Variants in ANO3 observed in about 807,000 individuals in gnomAD.
The protein encoded by ANO3 is anoctamin 3.
In ANO3, 99 loss-of-function variants were observed where a neutral mutation model predicts 144.8. The observed-to-expected ratio is 0.68, with a 90% CI of 0.58 to 0.81. The LOEUF (loss-of-function observed/expected upper bound fraction) is 0.81, where lower values mean the gene tolerates loss of function less well. Ranked by LOEUF, ANO3 falls within the 30% of genes least tolerant of loss-of-function variation. The pLI, the probability that ANO3 is intolerant of heterozygous loss-of-function variation, is 0.00. For missense variants in ANO3, 905 were observed against 1,202.2 expected (o/e 0.75, Z 3.66); for synonymous variants, 414 against 392.6 (o/e 1.05, Z -0.64).
At chr11:26,241,732 A>G (rs550796606) in intron 1 of ANO3, among the ~76,000 whole-genome samples, 1 of 152,250 alleles carries the variant, frequency 6.6e-6, no homozygotes, top group Admixed American at 6.5e-5. Flanking sequence ...CTGTAATTAT[A>G]TCATGTAGTG....
At chr11:26,474,291 G>A (rs1859882214) in intron 4 of ANO3, among the ~76,000 whole-genome samples, 1 of 151,726 alleles carries the variant, frequency 6.6e-6, no homozygotes, top group South Asian at 2.1e-4. Flanking sequence ...AGTAAAGTAT[G>A]ATCTAAATGT....
intron 1 of ANO3, among the ~76,000 whole-genome samples, chr11:26,214,800 G>T (rs1852004169): frequency 6.6e-6 from 1 of 151,468 alleles, no homozygotes; most frequent in South Asian, 2.1e-4. Context: ...TAGTTATTTT[G>T]CTGTTTCAGG....
At chr11:26,399,862 T>C (rs72884560) in intron 1 of ANO3, among the ~76,000 whole-genome samples, 296 of 152,166 alleles carry the variant, frequency 1.9e-3, no homozygotes, top group Non-Finnish European at 3.6e-3. Context: ...TGCTTCACGG[T>C]ATAGACTGCC....
chr11:26,477,212 T>G (rs2134081314), intron 4 of ANO3, among the ~76,000 whole-genome samples: 1 of 152,224 alleles, frequency 6.6e-6, no homozygotes, highest in Admixed American at 6.5e-5. Flanking sequence ...GTTTGCAGTT[T>G]ACTGAGGACA....
At chr11:26,596,056 G>A (rs918819674) in intron 14 of ANO3, among the ~76,000 whole-genome samples, 1 of 152,198 alleles carries the variant, frequency 6.6e-6, no homozygotes, top group African/African-American at 2.4e-5. Context: ...TGACAACAAG[G>A]TAATATTGGA....
At chr11:26,405,520 C>T (rs745625597) in intron 1 of ANO3, among the ~76,000 whole-genome samples, 6 of 151,816 alleles carry the variant, frequency 4.0e-5, no homozygotes, top group Admixed American at 4.0e-4. Flanking sequence ...AATAGCCAAT[C>T]TGCCATTATT....
chr11:26,209,839 TGC>T (rs71447454), intron 1 of ANO3, among the ~76,000 whole-genome samples: 2 of 151,702 alleles, frequency 1.3e-5, no homozygotes, highest in South Asian at 2.1e-4. Flanking sequence ...TGGGGCTGTT[TGC>T]TTTTTCTTGT....
At chr11:26,313,919 G>T (rs905278084) in intron 1 of ANO3, among the ~76,000 whole-genome samples, 12 of 145,458 alleles carry the variant, frequency 8.2e-5, no homozygotes, top group African/African-American at 3.2e-4. Context: ...ACCTAAAAAA[G>T]AAAGAGATAG....
intron 1 of ANO3, among the ~76,000 whole-genome samples, chr11:26,279,418 G>C (rs1477172454): frequency 2.0e-5 from 3 of 152,018 alleles, no homozygotes; most frequent in Admixed American, 1.3e-4. Context: ...ATACATAATT[G>C]TAAAGAACTT....
chr11:26,572,072 A>G lies in ANO3; in HGVS notation c.1447+12293A>G, dbSNP rs189339501. The G allele has an allele frequency of 9.1e-6, 9 of 985,306 alleles. No homozygotes were observed. In the East Asian group the frequency reaches 1.0e-3, roughly 112 times the overall value. 61.0% of individuals were successfully genotyped at this position (985,306 alleles called of 1,614,324 possible). On this transcript the variant is annotated intron_variant, in intron 14 of 26. Transcript: ENST00000256737. ...GCTTAGGAGGTATTTACAATCAGGA[A>G]CTGAAATATCACAGTTGTCCTGTCT...
intron 1 of ANO3, among the ~76,000 whole-genome samples, chr11:26,406,176 A>C (rs1481950591): frequency 2.6e-5 from 4 of 151,874 alleles, no homozygotes; most frequent in Admixed American, 1.3e-4. Flanking sequence ...TTCCAAGAGC[A>C]AGTTTCTGTC....
chr11:26,237,970 T>C (rs1475197136), intron 1 of ANO3, among the ~76,000 whole-genome samples: 2 of 152,262 alleles, frequency 1.3e-5, no homozygotes, highest in Non-Finnish European at 2.9e-5. Flanking sequence ...TGTATCTGGG[T>C]CTGGAAGACA....
chr11:26,562,994 CT>C, intron 14 of ANO3: 1 of 1,363,596 alleles, frequency 7.3e-7, no homozygotes, highest in African/African-American at 1.5e-5. Context: ...CAGAATAAGT[CT>C]TTAGTTTGTT....
At chr11:26,220,737 C>T (rs1448290448) in intron 1 of ANO3, among the ~76,000 whole-genome samples, 3 of 152,168 alleles carry the variant, frequency 2.0e-5, no homozygotes, top group Non-Finnish European at 4.4e-5. Flanking sequence ...GTGTCAGTTA[C>T]ACCTTCTGAC....
At chr11:26,190,071 T>C (rs1369692260) in intron 1 of ANO3, among the ~76,000 whole-genome samples, 2 of 152,198 alleles carry the variant, frequency 1.3e-5, no homozygotes, top group African/African-American at 4.8e-5. Flanking sequence ...TTAAATGTTG[T>C]ACTAAAGTAA....
chr11:26,444,639 A>G (rs1246095725), intron 3 of ANO3, among the ~76,000 whole-genome samples: 2 of 152,238 alleles, frequency 1.3e-5, no homozygotes, highest in East Asian at 1.9e-4. Context: ...TGAAATTAGT[A>G]TACGTACTTT....
intron 4 of ANO3, among the ~76,000 whole-genome samples, chr11:26,499,162 A>C (rs1861087887): frequency 1.3e-5 from 2 of 151,878 alleles, no homozygotes; most frequent in Non-Finnish European, 2.9e-5. Context: ...TTTTCTTACG[A>C]ATTTCGCAGT....
At chr11:26,202,343 GATT>G (rs1209117433) in intron 1 of ANO3, among the ~76,000 whole-genome samples, 1 of 144,124 alleles carries the variant, frequency 6.9e-6, no homozygotes, top group East Asian at 2.0e-4. Context: ...ATATAATATA[GATT>G]ATTATATATA....
upstream of ANO3, among the ~76,000 whole-genome samples, chr11:26,330,194 C>T (rs907033677): frequency 3.9e-5 from 6 of 152,062 alleles, no homozygotes; most frequent in African/African-American, 7.2e-5. Flanking sequence ...AATTGGGTTG[C>T]ATTAGAATCA....
Sources: allele counts gnomAD v4.1 joint callset (sites outside exome capture counted in the v4.1 genomes callset), GRCh38; gene constraint gnomAD v4.1.1; transcripts MANE v1.5; gene names NCBI Gene and HGNC (gene_info 2026-07-23, HGNC 2026-07-21).